The following GLIS1 variants were observed in gnomAD, a reference collection of about 807,000 sequenced individuals.
The protein encoded by GLIS1 is GLIS family zinc finger 1.
A neutral mutation model predicts 63.8 loss-of-function variants in GLIS1; 24 were observed. The ratio of observed to expected loss-of-function variants is 0.38; its 90% CI spans 0.27 to 0.53. The LOEUF is 0.53. Among genes scored for constraint, GLIS1 ranks in the 20% least tolerant of loss-of-function variants. The probability of loss-of-function intolerance (pLI) is 0.85; values close to 1 mark genes in which losing one functional copy is unlikely to be tolerated. For missense variants in GLIS1, 1,036 were observed against 1,074.1 expected, an observed-to-expected ratio of 0.96 and a Z score of 0.50; for synonymous variants, 450 against 482.5, an observed-to-expected ratio of 0.93 and a Z score of 0.88.
chr1:53,588,167 A>G (rs1645154627), intron 4 of GLIS1, among the ~76,000 whole-genome samples: 2 of 152,160 alleles, frequency 1.3e-5, no homozygotes, highest in African/African-American at 4.8e-5. Context: ...CCAAGCTTAT[A>G]AAGCCAGGCT....
At chr1:53,530,722 G>C (rs150281836) in intron 4 of GLIS1, among the ~76,000 whole-genome samples, 1 of 150,410 alleles carries the variant, frequency 6.6e-6, no homozygotes, top group Non-Finnish European at 1.5e-5. Context: ...CTCTTTCACA[G>C]CCACCCACCA....
intron 2 of GLIS1, among the ~76,000 whole-genome samples, chr1:53,622,924 A>G (rs1322218131): frequency 2.0e-5 from 3 of 152,134 alleles, no homozygotes; most frequent in African/African-American, 7.2e-5. Context: ...ATTCTTTGCC[A>G]TTTTCTGTTT....
intron 4 of GLIS1, among the ~76,000 whole-genome samples, chr1:53,578,812 A>G (rs554903631): frequency 2.4e-3 from 362 of 152,352 alleles, no homozygotes; most frequent in African/African-American, 8.5e-3. Context: ...AAGGAACAAA[A>G]TCAACTGTAA....
chr1:53,554,110 T>C (rs988841214), intron 4 of GLIS1, among the ~76,000 whole-genome samples: 23 of 152,338 alleles, frequency 1.5e-4, no homozygotes, highest in East Asian at 5.8e-4. Flanking sequence ...CCTGCAGCCA[T>C]GAGGCCACAA....
At chr1:53,593,988 C>G in intron 4 of GLIS1, 120 bp downstream of exon 4, 1 of 1,214,896 alleles carries the variant, frequency 8.2e-7, no homozygotes, top group Non-Finnish European at 1.1e-6. Flanking sequence ...TCCTCCTCAA[C>G]CACAGGGATC....
intron 2 of GLIS1, chr1:53,733,785 T>C: frequency 2.4e-6 from 1 of 423,552 alleles, no homozygotes; most frequent in Non-Finnish European, 3.2e-6. Flanking sequence ...CTTCATGCAC[T>C]GAAAAAATTT....
chr1:53,519,213 C>T (rs1644382057), intron 7 of GLIS1, among the ~76,000 whole-genome samples: 1 of 152,192 alleles, frequency 6.6e-6, no homozygotes, highest in Non-Finnish European at 1.5e-5. Flanking sequence ...GAAGCAGCCA[C>T]ACAGAGGGGT....
At chr1:53,644,462 C>T (rs1421004425) in intron 2 of GLIS1, among the ~76,000 whole-genome samples, 3 of 152,194 alleles carry the variant, frequency 2.0e-5, no homozygotes, top group Non-Finnish European at 4.4e-5. Context: ...AATCCCTGCC[C>T]TCCTGGAGCT....
chr1:53,593,293 C>G (rs143243809), intron 4 of GLIS1, among the ~76,000 whole-genome samples: 1 of 152,364 alleles, frequency 6.6e-6, no homozygotes, highest in African/African-American at 2.4e-5. Flanking sequence ...GGAGGTAGCA[C>G]AGCAGTTAGG....
chr1:53,642,395 G>A lies in GLIS1; in HGVS notation c.260-42117C>T, dbSNP rs539471856. 4.2e-4 allele frequency among the ~76,000 whole-genome samples: 64 copies of A among 152,304 alleles called. 1 individual carries two copies. The highest frequency in any genetic ancestry group is 1.4e-3 in the African/African-American group (60 of 41,562). Reference sequence around the variant, plus strand: ...CTATTTCACACTACTCTGCAGTGCTGTCAGAGTTTCAGGTTGCCACGCAAC... The same window carrying A: ...CTATTTCACACTACTCTGCAGTGCTATCAGAGTTTCAGGTTGCCACGCAAC... On this transcript the variant is annotated intron_variant, in intron 2 of 10. Transcript: ENST00000628545.
chr1:53,690,374 G>C (rs1426449430), intron 2 of GLIS1, among the ~76,000 whole-genome samples: 1 of 152,242 alleles, frequency 6.6e-6, no homozygotes, highest in Non-Finnish European at 1.5e-5. Context: ...GCAGGACACA[G>C]CTGGGGCGGC....
intron 2 of GLIS1, among the ~76,000 whole-genome samples, chr1:53,698,710 C>G (rs189904487): frequency 6.6e-6 from 1 of 152,324 alleles, no homozygotes; most frequent in Admixed American, 6.5e-5. Flanking sequence ...AGCTTCCAGC[C>G]AGGGATGCCC....
intron 4 of GLIS1, among the ~76,000 whole-genome samples, chr1:53,541,533 G>T (rs2100369374): frequency 6.6e-6 from 1 of 152,372 alleles, no homozygotes; most frequent in Non-Finnish European, 1.5e-5. Flanking sequence ...ACTCACAGTG[G>T]GCACTTAGTA....
intron 5 of GLIS1, 66 bp from the exon 6 acceptor site, chr1:53,524,953 G>A (rs1286841558): frequency 1.6e-6 from 2 of 1,216,204 alleles, no homozygotes; most frequent in East Asian, 2.3e-5. Context: ...GCCTCCGCGT[G>A]ACCTGCTGTG....
At chr1:53,703,508 G>A (rs1384852346) in intron 2 of GLIS1, among the ~76,000 whole-genome samples, 1 of 152,018 alleles carries the variant, frequency 6.6e-6, no homozygotes, top group South Asian at 2.1e-4. Context: ...GCATGGTGAT[G>A]TACAACTATA....
chr1:53,617,103 C>T (rs1645490544), intron 2 of GLIS1, among the ~76,000 whole-genome samples: 1 of 152,096 alleles, frequency 6.6e-6, no homozygotes, highest in South Asian at 2.1e-4. Context: ...ACGCTCAGCC[C>T]GCCAGGAACA....
At chr1:53,682,151 T>C (rs1372912030) in intron 2 of GLIS1, among the ~76,000 whole-genome samples, 6 of 152,234 alleles carry the variant, frequency 3.9e-5, no homozygotes, top group Non-Finnish European at 8.8e-5. Flanking sequence ...AGATGCTTCC[T>C]GTTGTAAAGG....
At chr1:53,638,646 C>G (rs1645752999) in intron 2 of GLIS1, among the ~76,000 whole-genome samples, 1 of 152,208 alleles carries the variant, frequency 6.6e-6, no homozygotes, top group African/African-American at 2.4e-5. Context: ...GCAGAGAGTC[C>G]AGTGTCCATG....
chr1:53,637,868 G>A (rs1336546489), intron 2 of GLIS1, among the ~76,000 whole-genome samples: 3 of 152,204 alleles, frequency 2.0e-5, no homozygotes, highest in Non-Finnish European at 4.4e-5. Context: ...TCAGGGGAGA[G>A]AAGCGTGTTC....
Sources: allele counts gnomAD v4.1 joint callset (sites outside exome capture counted in the v4.1 genomes callset), GRCh38; gene constraint gnomAD v4.1.1; transcripts MANE v1.5; gene names NCBI Gene and HGNC (gene_info 2026-07-23, HGNC 2026-07-21).